Variants in MSRB3 observed in about 807,000 individuals in gnomAD.
The protein encoded by MSRB3 is methionine sulfoxide reductase B3.
Under a neutral mutation model 21.0 loss-of-function variants are expected in MSRB3, and 13 were observed. That is an observed-to-expected ratio of 0.62 (90% CI 0.40 to 0.98). The LOEUF is 0.98. Ranked by LOEUF, MSRB3 falls within the 50% of genes least tolerant of loss-of-function variation. The probability of loss-of-function intolerance (pLI) is 0.00; values close to 1 mark genes in which losing one functional copy is unlikely to be tolerated. For missense variants in MSRB3, 199 were observed against 230.3 expected (o/e 0.86, Z 0.88); for synonymous variants, 87 against 88.6 (o/e 0.98, Z 0.10).
In MSRB3 at chr12:65,454,207, G is replaced by C. The variant is rs1378463715; in HGVS notation, c.390+382G>C. On this transcript the variant is annotated intron_variant, in intron 6 of 6. Coordinates refer to ENST00000308259, the MANE Select transcript of MSRB3 (RefSeq NM_001031679.3). Reference sequence around the variant, plus strand: ...GGGGGCTGAAGCAGGAGAATCACTGGAGCCCAGGAGGTCGAGGCTGCAGTG... The same window carrying C: ...GGGGGCTGAAGCAGGAGAATCACTGCAGCCCAGGAGGTCGAGGCTGCAGTG... 1.8e-5 allele frequency: 8 copies of C among 447,146 alleles called. No individual in the cohort carries two copies. The Admixed American group carries it at 2.8e-4, about 16-fold the overall frequency. The allele number at this position is 447,146 out of a possible 1,614,324, so 27.7% of individuals were successfully genotyped here.
rs376758422 is a variant in MSRB3, at chr12:65,432,493, CAATT to C, written c.293-21230_293-21227del. Among the ~76,000 whole-genome samples the C allele has an allele frequency of 3.9e-4, 60 of 151,986 alleles. No homozygotes were observed. The South Asian group carries it at 0.012, about 32-fold the overall frequency. On this transcript the variant is annotated intron_variant, in intron 5 of 6. Transcript: ENST00000308259. ...TGTTAACACAAGCTGACAATTAAAG[CAATT>C]AATTTCCTTCTTTATCTATATCCCC...
Position 65,422,857 on chromosome 12 carries a change from T to A in MSRB3, c.293-30871T>A, listed in dbSNP as rs188259918. 2.5e-3 allele frequency among the ~76,000 whole-genome samples: 378 copies of A among 152,192 alleles called. 1 individual carries two copies. The highest frequency in any genetic ancestry group is 8.3e-3 in the African/African-American group (346 of 41,556). Reference sequence around the variant, plus strand: ...CTTTCTTTTTTGAGTGGTTCATTATTAGTGTATAGAAATGTAACTGAGTTT... The same window carrying A: ...CTTTCTTTTTTGAGTGGTTCATTATAAGTGTATAGAAATGTAACTGAGTTT... On this transcript the variant is annotated intron_variant, in intron 5 of 6. Coordinates refer to ENST00000308259, the MANE Select transcript of MSRB3 (RefSeq NM_001031679.3).
intron 1 of MSRB3, among the ~76,000 whole-genome samples, chr12:65,290,882 T>C (rs1321959314): frequency 6.6e-6 from 1 of 152,190 alleles, no homozygotes; most frequent in African/African-American, 2.4e-5. Context: ...TCCTTTTCAG[T>C]ATGAAATAAC....
At chr12:65,297,249 G>T (rs1873028099) in intron 1 of MSRB3, among the ~76,000 whole-genome samples, 1 of 152,080 alleles carries the variant, frequency 6.6e-6, no homozygotes, top group African/African-American at 2.4e-5. Flanking sequence ...GAGAGCATTA[G>T]GAAAAATAGC....
chr12:65,396,691 CAAAA>C (rs747120558), intron 5 of MSRB3, among the ~76,000 whole-genome samples: 20 of 23,184 alleles, frequency 8.6e-4, no homozygotes, highest in African/African-American at 1.0e-3. Context: ...AACTCCATCT[CAAAA>C]AAAAAAAAAA....
At chr12:65,378,891 G>A (rs749185789) in intron 5 of MSRB3, among the ~76,000 whole-genome samples, 4 of 152,064 alleles carry the variant, frequency 2.6e-5, no homozygotes, top group African/African-American at 4.8e-5. Flanking sequence ...ACACAAAATC[G>A]CAAGAAAAAT....
intron 5 of MSRB3, among the ~76,000 whole-genome samples, chr12:65,370,186 A>G (rs1434614728): frequency 6.6e-6 from 1 of 152,192 alleles, no homozygotes; most frequent in African/African-American, 2.4e-5. Context: ...AACGCTGACT[A>G]TATAGAGACT....
chr12:65,357,257 A>G (rs1406444711), intron 4 of MSRB3, among the ~76,000 whole-genome samples: 1 of 151,858 alleles, frequency 6.6e-6, no homozygotes, highest in African/African-American at 2.4e-5. Flanking sequence ...CACCTTCAAA[A>G]TATATCCTGA....
intron 2 of MSRB3, chr12:65,316,266 A>G (rs1025225999): frequency 2.0e-5 from 3 of 149,476 alleles, no homozygotes; most frequent in African/African-American, 7.7e-5. Flanking sequence ...GGGTTATTGT[A>G]TTATATTATA....
chr12:65,407,356 A>G (rs1413910163), intron 5 of MSRB3, among the ~76,000 whole-genome samples: 1 of 146,752 alleles, frequency 6.8e-6, no homozygotes, highest in South Asian at 2.1e-4. Context: ...TTTTTCTTTT[A>G]ACACTTTAAA....
At chr12:65,361,253 C>T (rs1877682410) in intron 4 of MSRB3, among the ~76,000 whole-genome samples, 1 of 152,018 alleles carries the variant, frequency 6.6e-6, no homozygotes, top group Non-Finnish European at 1.5e-5. Context: ...CTCATTTAAT[C>T]CACACAAACG....
intron 2 of MSRB3, among the ~76,000 whole-genome samples, chr12:65,315,107 C>T (rs1412093520): frequency 6.6e-6 from 1 of 152,146 alleles, no homozygotes; most frequent in Non-Finnish European, 1.5e-5. Flanking sequence ...TTTACAATTT[C>T]ATCCTAAACA....
intron 5 of MSRB3, chr12:65,418,726 T>A (rs1881112920): frequency 1.1e-6 from 1 of 883,908 alleles, no homozygotes; most frequent in African/African-American, 1.6e-5. Flanking sequence ...GCTGGCTTAA[T>A]GTCTCAGAAC....
rs1259785950 is a variant in MSRB3 at position 65,463,385 on chromosome 12, T to G, written c.*63T>G. On this transcript the variant is annotated 3_prime_UTR_variant, in exon 7 of 7. Transcript: ENST00000308259. ...CACAGCTTATTAAAAAAATCAAAAT[T>G]GTTATCTTAATAGATATATTTTTTC... 1 of 1,568,482 alleles carries G rather than the reference T, an allele frequency of 6.4e-7. No individual in the cohort carries two copies. Among genetic ancestry groups the G allele is most frequent in the African/African-American group, 1.4e-5 (1 of 73,324 alleles).
chr12:65,366,413 A>C (rs1878018084), intron 4 of MSRB3, among the ~76,000 whole-genome samples: 1 of 152,172 alleles, frequency 6.6e-6, no homozygotes, highest in Non-Finnish European at 1.5e-5. Context: ...TGATGCTGGT[A>C]GTCAGAGATT....
intron 1 of MSRB3, among the ~76,000 whole-genome samples, chr12:65,295,164 T>A (rs113938795): frequency 9.0e-4 from 137 of 152,292 alleles, no homozygotes; most frequent in African/African-American, 3.0e-3. Flanking sequence ...TTTCATAGGG[T>A]TTATTTTAGG....
At chr12:65,365,040 T>C (rs1877929969) in intron 4 of MSRB3, among the ~76,000 whole-genome samples, 1 of 151,098 alleles carries the variant, frequency 6.6e-6, no homozygotes. Context: ...CTGGAGAAGA[T>C]AAGATAATCT....
At chr12:65,447,257 T>A (rs1172473961) in intron 5 of MSRB3, among the ~76,000 whole-genome samples, 1 of 152,180 alleles carries the variant, frequency 6.6e-6, no homozygotes, top group East Asian at 1.9e-4. Flanking sequence ...TAACTGACCT[T>A]GGCCTCCATG....
In MSRB3 at chr12:65,278,750, G is replaced by A. The variant is rs1474276960; in HGVS notation, c.-167G>A. The A allele has an allele frequency of 1.3e-6, 2 of 1,572,632 alleles. No homozygotes were observed. The highest frequency in any genetic ancestry group is 4.7e-5 in the East Asian group (2 of 42,788). ...AGGGAGCGAGGTTCGGACACCGGCG[G>A]CGGCTGCCTGGCCTTTCCATGAGCC... On this transcript the variant is annotated 5_prime_UTR_variant, in exon 1 of 7. Transcript: ENST00000308259.
Sources: gnomAD v4.1 joint callset for allele counts (sites outside exome capture counted in the v4.1 genomes callset) on GRCh38, gnomAD v4.1.1 for gene constraint, MANE v1.5 for transcripts, NCBI Gene and HGNC (gene_info 2026-07-23, HGNC 2026-07-21) for gene names.